FMNL2: variants seen among roughly 807,000 people sequenced by gnomAD.
FMNL2 encodes the protein formin like 2.
In FMNL2, 51 loss-of-function variants were observed where a neutral mutation model predicts 130.2. The observed-to-expected ratio is 0.39, with a 90% confidence interval of 0.31 to 0.49. The LOEUF (loss-of-function observed/expected upper bound fraction) is 0.49. Ranked by LOEUF, FMNL2 falls within the 20% of genes least tolerant of loss-of-function variation. The probability of loss-of-function intolerance (pLI) is 0.85; values close to 1 mark genes in which losing one functional copy is unlikely to be tolerated. For synonymous variants in FMNL2, 465 were observed against 467.1 expected (o/e 1.00, Z 0.06); for missense variants, 977 against 1,316.2 (o/e 0.74, Z 3.99).
At chr2:152,622,334 T>A (rs933811948) in intron 15 of FMNL2, among the ~76,000 whole-genome samples, 6 of 152,186 alleles carry the variant, frequency 3.9e-5, no homozygotes, top group Non-Finnish European at 5.9e-5. Context: ...TTCCCTCTTC[T>A]AAAAAGGATA....
At chr2:152,375,530 G>A (rs1435549554) in intron 1 of FMNL2, among the ~76,000 whole-genome samples, 2 of 152,194 alleles carry the variant, frequency 1.3e-5, no homozygotes, top group African/African-American at 4.8e-5. Context: ...TAATTCAGAT[G>A]ACAAGACTTA....
intron 9 of FMNL2, among the ~76,000 whole-genome samples, chr2:152,595,241 C>T (rs1268866333): frequency 1.3e-5 from 2 of 152,112 alleles, no homozygotes; most frequent in Non-Finnish European, 2.9e-5. Flanking sequence ...TGGAACGTGT[C>T]AAGAACATGT....
rs761306675 is a variant in FMNL2, at chr2:152,335,618, G to C, written c.15G>C (p.Gly5=). 6.3e-7 allele frequency: 1 copy of C among 1,590,924 alleles called. No individual in the cohort carries two copies. The highest frequency in any genetic ancestry group is 1.1e-5 in the South Asian group (1 of 89,768). Residue 5 remains glycine (G), a synonymous_variant, in exon 1 of 26, where the codon GGG becomes GGC. Transcript: ENST00000288670. ...GCGCCGCCGACATGGGCAACGCAGG[G>C]AGCATGGATTCGCAGCAGACCGATT... MGNA[G]SMDSQQTDFR...
intron 1 of FMNL2, among the ~76,000 whole-genome samples, chr2:152,357,745 T>G (rs563154254): frequency 6.6e-6 from 1 of 152,340 alleles, no homozygotes; most frequent in South Asian, 2.1e-4. Context: ...GTTTTATGTA[T>G]TGATCAGTTG....
At chr2:152,594,551 T>C (rs1395971122) in intron 9 of FMNL2, among the ~76,000 whole-genome samples, 1 of 152,050 alleles carries the variant, frequency 6.6e-6, no homozygotes. Context: ...GACGTCGCTG[T>C]TTCCCTAGAC....
intron 21 of FMNL2, among the ~76,000 whole-genome samples, chr2:152,634,009 T>G (rs143403135): frequency 6.6e-6 from 1 of 152,322 alleles, no homozygotes; most frequent in East Asian, 1.9e-4. Context: ...CTATCATAAG[T>G]ATTAGAGAAT....
At chr2:152,558,011 A>G (rs1189683731) in intron 4 of FMNL2, among the ~76,000 whole-genome samples, 1 of 152,164 alleles carries the variant, frequency 6.6e-6, no homozygotes, top group Non-Finnish European at 1.5e-5. Context: ...TTGACCTCCC[A>G]TCAGGATTAT....
Position 152,576,385 on chromosome 2 carries a change from A to G in FMNL2, c.705+1141A>G, listed in dbSNP as rs547505528. Among the ~76,000 whole-genome samples, 11 of 152,314 alleles carry G rather than the reference A, an allele frequency of 7.2e-5. No homozygotes were observed. In the South Asian group the frequency reaches 2.3e-3, roughly 32 times the overall value. Reference sequence around the variant, plus strand: ...ACCAACAAATAAATTGGTAAAATGTATATGTTCCAGATAATAATGATGAAA... The same window carrying G: ...ACCAACAAATAAATTGGTAAAATGTGTATGTTCCAGATAATAATGATGAAA... On this transcript the variant is annotated intron_variant, in intron 7 of 25. Coordinates refer to ENST00000288670, the MANE Select transcript of FMNL2 (RefSeq NM_052905.4).
chr2:152,599,469 AG>A (rs911263583), intron 9 of FMNL2, among the ~76,000 whole-genome samples: 1 of 115,218 alleles, frequency 8.7e-6, no homozygotes, highest in African/African-American at 3.3e-5. Context: ...TTCTCATTGA[AG>A]GGGTGATGCG....
intron 7 of FMNL2, 119 bp downstream of exon 7, chr2:152,575,363 A>G (rs1696416225): frequency 5.8e-6 from 3 of 517,898 alleles, no homozygotes; most frequent in Admixed American, 7.2e-5. Context: ...AGACTTCATC[A>G]TCCTACAATT....
chr2:152,382,246 A>ATTTTTGTGCGGAAG (rs1684516742), intron 1 of FMNL2, among the ~76,000 whole-genome samples: 1 of 152,200 alleles, frequency 6.6e-6, no homozygotes, highest in Non-Finnish European at 1.5e-5. Context: ...ATTGTGCTCC[A>ATTTTTGTGCGGAAG]TTTTTGTGCG....
intron 1 of FMNL2, among the ~76,000 whole-genome samples, chr2:152,485,205 A>G (rs1026786167): frequency 1.3e-5 from 2 of 152,138 alleles, no homozygotes; most frequent in Admixed American, 1.3e-4. Context: ...AAAATTAGCC[A>G]TGCATGGCCG....
chr2:152,512,075 A>G (rs2105363843), intron 1 of FMNL2, among the ~76,000 whole-genome samples: 1 of 152,266 alleles, frequency 6.6e-6, no homozygotes, highest in South Asian at 2.1e-4. Flanking sequence ...CATGTTGTCT[A>G]ATCATTGCCC....
chr2:152,622,340 G>T (rs188402250), intron 15 of FMNL2, among the ~76,000 whole-genome samples: 1 of 152,268 alleles, frequency 6.6e-6, no homozygotes, highest in East Asian at 1.9e-4. Context: ...CTTCTAAAAA[G>T]GATAATTTTA....
intron 1 of FMNL2, among the ~76,000 whole-genome samples, chr2:152,460,052 A>C (rs1011936733): frequency 6.6e-6 from 1 of 152,320 alleles, no homozygotes; most frequent in Non-Finnish European, 1.5e-5. Context: ...TGTTTGAGTC[A>C]ATTTAAGTCA....
intron 4 of FMNL2, among the ~76,000 whole-genome samples, chr2:152,554,157 C>T (rs1695085724): frequency 6.6e-6 from 1 of 152,148 alleles, no homozygotes; most frequent in Non-Finnish European, 1.5e-5. Context: ...GCAGTCCCAG[C>T]AACTTTGGAA....
chr2:152,362,823 A>G lies in FMNL2; in HGVS notation c.117+27103A>G, dbSNP rs543794818. ...GATGACTAGATAAACCAAATGTAGTATATATTCATACAATGGGATATTATT... is the reference window on the plus strand; with the variant it reads ...GATGACTAGATAAACCAAATGTAGTGTATATTCATACAATGGGATATTATT... On this transcript the variant is annotated intron_variant, in intron 1 of 25. Coordinates refer to ENST00000288670, the MANE Select transcript of FMNL2 (RefSeq NM_052905.4). 7.9e-5 allele frequency among the ~76,000 whole-genome samples: 12 copies of G among 152,316 alleles called. No individual in the cohort carries two copies. In the South Asian group the frequency reaches 2.5e-3, roughly 32 times the overall value.
At chr2:152,551,542 AC>A (rs1178048379) in intron 4 of FMNL2, among the ~76,000 whole-genome samples, 2 of 152,172 alleles carry the variant, frequency 1.3e-5, no homozygotes, top group Non-Finnish European at 2.9e-5. Context: ...GAAAACCCAA[AC>A]CTGAACTCAC....
At chr2:152,367,200 C>T (rs1213165234) in intron 1 of FMNL2, among the ~76,000 whole-genome samples, 3 of 151,486 alleles carry the variant, frequency 2.0e-5, no homozygotes, top group Non-Finnish European at 2.9e-5. Flanking sequence ...CTTAGCCTCT[C>T]GAGTAGCTGG....
Sources: allele counts gnomAD v4.1 joint callset (sites outside exome capture counted in the v4.1 genomes callset), GRCh38; gene constraint gnomAD v4.1.1; transcripts MANE v1.5; gene names NCBI Gene and HGNC (gene_info 2026-07-23, HGNC 2026-07-21).